The following TPR variants were observed in gnomAD, a reference collection of about 807,000 sequenced individuals.
TPR encodes translocated promoter region, nuclear basket protein, also known as nucleoprotein TPR.
A neutral mutation model predicts 316.1 loss-of-function variants in TPR; 51 were observed. The observed-to-expected ratio is 0.16, with a 90% CI of 0.13 to 0.20. The LOEUF is 0.20. Ranked by LOEUF, TPR falls within the 10% of genes least tolerant of loss-of-function variation. The pLI, the probability that TPR is intolerant of heterozygous loss-of-function variation, is 1.00. For synonymous variants in TPR, 981 were observed against 914.7 expected (o/e 1.07, Z -1.31); for missense variants, 2,272 against 2,754.8 (o/e 0.82, Z 3.92).
chr1:186,344,893 G>T (rs1658628761), intron 24 of TPR, among the ~76,000 whole-genome samples: 1 of 151,958 alleles, frequency 6.6e-6, no homozygotes. Context: ...TTTCTTCCCT[G>T]TATTACATTT....
chr1:186,336,149 G>A (rs1658334396), intron 33 of TPR, among the ~76,000 whole-genome samples: 1 of 152,098 alleles, frequency 6.6e-6, no homozygotes, highest in Non-Finnish European at 1.5e-5. Context: ...GGCTGGTAAA[G>A]ATCTTTATGC....
At chr1:186,316,067 ATAT>A (rs1205880517) in intron 49 of TPR, among the ~76,000 whole-genome samples, 4 of 151,918 alleles carry the variant, frequency 2.6e-5, no homozygotes, top group African/African-American at 9.7e-5. Flanking sequence ...TCGTAATTTC[ATAT>A]TATACTTTAA....
At position 186,333,302 on chromosome 1, in the gene TPR, T is replaced by C. The variant is rs1658230044; in HGVS notation, c.5275A>G (p.Ile1759Val). 3 of 1,613,720 alleles carry C rather than the reference T, an allele frequency of 1.9e-6. No individual in the cohort carries two copies. Among genetic ancestry groups the C allele is most frequent in the Admixed American group, 3.3e-5 (2 of 59,946 alleles). ...TGAACAGTTAAAATAGGTTGAGAGA[T>C]AGAAGGCTGGACATTAGGACTAGTA... ...RSTSPNVQPS[I>V]SQPILTVQQQ... The change falls in exon 37 of 51, where the codon ATC becomes GTC. Residue 1759 changes from isoleucine to valine, a missense_variant. By Grantham distance (29) the Ile-to-Val change is conservative. Transcript: ENST00000367478.
At chr1:186,348,758 T>C (rs930450305) in intron 21 of TPR, among the ~76,000 whole-genome samples, 5 of 152,168 alleles carry the variant, frequency 3.3e-5, no homozygotes, top group Non-Finnish European at 5.9e-5. Context: ...CACTGAAAGA[T>C]TGGGGGTGTG....
In TPR at chr1:186,358,630, C is replaced by T; in HGVS notation, c.1410G>A (p.Glu470=). ...QAMKEIQRLQ[E]DTDKANKQSS... ...ATTGCTTGTTGGCTTTATCAGTGTC[C>T]TCCTGCAATCGCTGAATCTCCTTTA... The change falls in exon 13 of 51, where the codon GAG becomes GAA. Residue 470 remains glutamate (E), a synonymous_variant. Coordinates refer to ENST00000367478, the MANE Select transcript of TPR (RefSeq NM_003292.3). 6.2e-7 allele frequency: 1 copy of T among 1,611,786 alleles called. No homozygotes were observed. Among genetic ancestry groups the T allele is most frequent in the East Asian group, 2.2e-5 (1 of 44,724 alleles).
At chr1:186,322,267 A>AG (rs1330718999) in intron 45 of TPR, 51 bp downstream of exon 45, 2 of 1,502,252 alleles carry the variant, frequency 1.3e-6, no homozygotes. Flanking sequence ...TAACAGAGAA[A>AG]GACTAAAAGT....
chr1:186,325,381 A>G (rs938274708), intron 42 of TPR: 4 of 160,594 alleles, frequency 2.5e-5, no homozygotes, highest in Non-Finnish European at 5.4e-5. Flanking sequence ...AGCAGACCAT[A>G]CTGCAAAGCT....
intron 2 of TPR, 141 bp downstream of exon 2, chr1:186,373,218 C>A: frequency 1.8e-6 from 1 of 547,326 alleles, no homozygotes; most frequent in African/African-American, 1.9e-5. Context: ...AGTGAAAAAT[C>A]AAAATATCAC....
chr1:186,338,126 A>T lies in TPR; in HGVS notation c.4269T>A (p.Asp1423Glu). Residue 1423 changes from aspartate to glutamate, a missense_variant, in exon 31 of 51, where the codon GAT becomes GAA. Transcript: ENST00000367478. ...IQKDLDAKIIDIQEKVKTITQ... is the reference protein window; with the variant it reads ...IQKDLDAKIIEIQEKVKTITQ... ...TAATAGTTTTGACTTTTTCTTGGAT[A>T]TCAATTATTTTGGCATCTAAGTCCT... is the stretch of plus-strand genomic sequence containing the variant. The T allele has an allele frequency of 6.2e-7, 1 of 1,612,730 alleles. No individual in the cohort carries two copies. The highest frequency in any genetic ancestry group is 8.5e-7 in the Non-Finnish European group (1 of 1,179,406).
At chr1:186,314,801 A>G (rs565163307) in intron 49 of TPR, 77 bp from the exon 50 acceptor site, 191 of 835,878 alleles carry the variant, frequency 2.3e-4, no homozygotes, top group Non-Finnish European at 2.1e-4. Flanking sequence ...ACTAATTACT[A>G]AATGAATGAA....
rs1373215639 is a variant in TPR at position 186,361,624 on chromosome 1, T to G, written c.956A>C (p.Glu319Ala). 6.2e-7 allele frequency: 1 copy of G among 1,613,106 alleles called. No homozygotes were observed. Among genetic ancestry groups the G allele is most frequent in the South Asian group, 1.1e-5 (1 of 91,042 alleles). Residue 319 changes from glutamate (E) to alanine (A), a missense_variant and splice_region_variant, in exon 9 of 51, where the codon GAA (glutamate) becomes GCA (alanine). Glu to Ala is a moderately radical substitution (Grantham distance 107, BLOSUM62 -1). This residue lies in a region of TPR where 549 missense variants were observed against 598.6 expected (regional missense o/e 0.92). Coordinates refer to ENST00000367478, the MANE Select transcript of TPR (RefSeq NM_003292.3). ...TTCCCATAACTGAAAACACTTACCT[T>G]CACCAGCTTCTTTCAAAAGTTTGTG... is the stretch of plus-strand genomic sequence containing the variant. Reference protein sequence around the residue: ...ELHKLLKEAGEANKAIQDHLL... With the variant: ...ELHKLLKEAGAANKAIQDHLL...
chr1:186,321,357 CT>C (rs1657770264), intron 45 of TPR, among the ~76,000 whole-genome samples: 1 of 152,154 alleles, frequency 6.6e-6, no homozygotes. Flanking sequence ...CAACTAATAC[CT>C]TAGCCACGAA....
At chr1:186,335,956 A>T (rs182717264) in intron 33 of TPR, among the ~76,000 whole-genome samples, 126 of 152,258 alleles carry the variant, frequency 8.3e-4, no homozygotes, top group African/African-American at 2.9e-3. Flanking sequence ...AGATCATTTT[A>T]AAAAAATGCC....
chr1:186,344,397 T>A lies in TPR; in HGVS notation c.3395A>T (p.Glu1132Val). 1 of 1,613,914 alleles carries A rather than the reference T, an allele frequency of 6.2e-7. No individual in the cohort carries two copies. Among genetic ancestry groups the A allele is most frequent in the Non-Finnish European group, 8.5e-7 (1 of 1,179,908 alleles). ...TACCTTTAACATTCTCTCTCTTTCC[T>A]CCCAAGATGCTTTACACTCCAACAA... ...SQLLECKASWEERERMLKDEV... is the reference protein window; with the variant it reads ...SQLLECKASWVERERMLKDEV... The change falls in exon 25 of 51, where the codon GAG becomes GTG. Residue 1132 changes from glutamate to valine, a missense_variant. Around this residue, in one of 10 missense-constraint regions of TPR, gnomAD observed 757 missense variants for 859.8 expected, o/e 0.88. Coordinates refer to ENST00000367478, the MANE Select transcript of TPR (RefSeq NM_003292.3).
At position 186,344,365 on chromosome 1, in the gene TPR, A is replaced by G; in HGVS notation, c.3417+10T>C. 6.2e-7 allele frequency: 1 copy of G among 1,610,028 alleles called. No homozygotes were observed. Among genetic ancestry groups the G allele is most frequent in the African/African-American group, 1.3e-5 (1 of 74,768 alleles). ...TCAACAGAACATTCTATTCAGATTT[A>G]CAATAATACCTTTAACATTCTCTCT... On this transcript the variant is annotated intron_variant, in intron 25 of 50. Coordinates refer to ENST00000367478, the MANE Select transcript of TPR (RefSeq NM_003292.3).
intron 11 of TPR, 58 bp from the exon 12 acceptor site, chr1:186,360,054 G>A: frequency 1.3e-6 from 2 of 1,532,766 alleles, no homozygotes; most frequent in Non-Finnish European, 1.8e-6. Context: ...ATATTTAGTT[G>A]ATCTAGTTTC....
intron 42 of TPR, among the ~76,000 whole-genome samples, chr1:186,324,225 A>G (rs913202864): frequency 1.3e-5 from 2 of 151,238 alleles, no homozygotes; most frequent in African/African-American, 4.9e-5. Context: ...CATTAAAAAC[A>G]CTAAAATTAA....
rs1657599707 is a variant in TPR at position 186,315,947 on chromosome 1, T to C, written c.6941-1223A>G. Among the ~76,000 whole-genome samples, 2 of 150,268 alleles carry C rather than the reference T, an allele frequency of 1.3e-5. 1 individual carries two copies. The highest frequency in any genetic ancestry group is 4.3e-4 in the South Asian group (2 of 4,682). ...TCAGCTCTTAAATGTCACCTTCTCT[T>C]AGTGATGCTTCCTATGAAACTGCCT... is the stretch of plus-strand genomic sequence containing the variant. On this transcript the variant is annotated intron_variant, in intron 49 of 50. Coordinates refer to ENST00000367478, the MANE Select transcript of TPR (RefSeq NM_003292.3).
Position 186,333,186 on chromosome 1 carries a change from T to C in TPR, c.5391A>G (p.Ile1797Met). ...EPANQELSSN[I>M]VEVVQSSPVE... ...CTGGTGAACTCTGAACAACCTCTAC[T>C]ATGTTTGAAGATAACTCTTGATTGG... Residue 1797 changes from isoleucine (I) to methionine (M), a missense_variant, in exon 37 of 51, where the codon ATA (isoleucine) becomes ATG (methionine). Physicochemically the swap from Ile to Met is conservative, Grantham distance 10. Coordinates refer to ENST00000367478, the MANE Select transcript of TPR (RefSeq NM_003292.3). 2 of 1,613,566 alleles carry C rather than the reference T, an allele frequency of 1.2e-6. No homozygotes were observed. The highest frequency in any genetic ancestry group is 1.7e-6 in the Non-Finnish European group (2 of 1,179,670).
Sources: gnomAD v4.1 joint callset for allele counts (sites outside exome capture counted in the v4.1 genomes callset) on GRCh38, gnomAD v4.1.1 for gene constraint, gnomAD v4.1.1 regional missense constraint, MANE v1.5 for transcripts, NCBI Gene and HGNC (gene_info 2026-07-23, HGNC 2026-07-21) for gene names.